PKD2L2: variants seen among roughly 807,000 people sequenced by gnomAD.
PKD2L2 encodes the protein polycystin 2 like 2, transient receptor potential cation channel.
In PKD2L2, 67 loss-of-function variants were observed where a neutral mutation model predicts 83.9. The observed-to-expected ratio is 0.80, with a 90% CI of 0.66 to 0.98. The LOEUF (loss-of-function observed/expected upper bound fraction) is 0.98, where lower values mean the gene tolerates loss of function less well. Ranked by LOEUF, PKD2L2 falls within the 50% of genes least tolerant of loss-of-function variation. PKD2L2 has a pLI of 0.00. For synonymous variants in PKD2L2, 223 were observed against 237.8 expected (o/e 0.94, Z 0.57); for missense variants, 632 against 717.2 (o/e 0.88, Z 1.36).
At position 137,906,356 on chromosome 5, in the gene PKD2L2, A is replaced by G. The variant is rs754623263; in HGVS notation, c.897A>G (p.Gln299=). ...TTTTTCTTTTTGTCTTCACAACACA[A>G]GAAGTCAAAAAAATAAAAGAATTTA... ...FCIFLFVFTT[Q]EVKKIKEFKS... Residue 299 remains glutamine (Q), a synonymous_variant, in exon 6 of 15, where the codon CAA becomes CAG. Coordinates refer to ENST00000508883, the MANE Select transcript of PKD2L2 (RefSeq NM_001300921.2). 2.5e-6 allele frequency: 4 copies of G among 1,609,604 alleles called. No individual in the cohort carries two copies. Among genetic ancestry groups the G allele is most frequent in the Admixed American group, 1.7e-5 (1 of 59,894 alleles).
intron 12 of PKD2L2, among the ~76,000 whole-genome samples, chr5:137,931,226 A>G (rs1561707433): frequency 6.6e-6 from 1 of 152,206 alleles, no homozygotes; most frequent in Admixed American, 6.5e-5. Flanking sequence ...TGTCTCCAAA[A>G]TCAATCAGAC....
intron 14 of PKD2L2, chr5:137,940,120 C>A: frequency 6.2e-7 from 1 of 1,614,070 alleles, no homozygotes; most frequent in Non-Finnish European, 8.5e-7. Context: ...AAATGAGATT[C>A]TCTGAGTGCC....
At chr5:137,923,012 TTTTC>T (rs989866305) in intron 9 of PKD2L2, among the ~76,000 whole-genome samples, 2 of 150,652 alleles carry the variant, frequency 1.3e-5, no homozygotes, top group Non-Finnish European at 1.5e-5. Context: ...TTCCTTTTTC[TTTTC>T]TTTTTTTTTT....
intron 6 of PKD2L2, 132 bp from the exon 7 acceptor site, chr5:137,907,610 A>C: frequency 2.2e-6 from 1 of 449,756 alleles, no homozygotes; most frequent in Non-Finnish European, 3.9e-6. Context: ...ATTTATGTAA[A>C]AGCATATGTC....
At chr5:137,889,620 G>A in intron 1 of PKD2L2, 98 bp downstream of exon 1, 1 of 1,075,612 alleles carries the variant, frequency 9.3e-7, no homozygotes, top group African/African-American at 1.7e-5. Flanking sequence ...TTTGAGAGAT[G>A]TGACTGCCGA....
At chr5:137,912,630 G>T (rs1341257597) in intron 8 of PKD2L2, among the ~76,000 whole-genome samples, 1 of 151,986 alleles carries the variant, frequency 6.6e-6, no homozygotes, top group Non-Finnish European at 1.5e-5. Flanking sequence ...GTCTCCCAAA[G>T]TGCTGGGATT....
rs1760423336 is a variant in PKD2L2 at position 137,936,510 on chromosome 5, C to A, written c.*17+83C>A. 2.6e-6 allele frequency: 3 copies of A among 1,169,242 alleles called. No individual in the cohort carries two copies. In the South Asian group the frequency reaches 4.1e-5, roughly 16 times the overall value. 72.4% of individuals were successfully genotyped at this position (1,169,242 alleles called of 1,614,324 possible). A position where few individuals can be genotyped will look rare whatever the true frequency, so the allele number is the denominator to read the frequency against. ...TCGCTCTAACGCCCAGGCTGGAGTG[C>A]AGTGGCGTGGTCTCGGCTCACTGCA... is the stretch of plus-strand genomic sequence containing the variant. On this transcript the variant is annotated intron_variant, in intron 14 of 14. Transcript: ENST00000508883.
At chr5:137,894,659 A>G in intron 4 of PKD2L2, 50 bp downstream of exon 4, 1 of 1,419,988 alleles carries the variant, frequency 7.0e-7, no homozygotes, top group Non-Finnish European at 9.8e-7. Flanking sequence ...TTACTGTTGT[A>G]TCTTTTAGAT....
chr5:137,936,357 C>A lies in PKD2L2; in HGVS notation c.1822C>A (p.His608Asn). 6.5e-7 allele frequency: 1 copy of A among 1,531,980 alleles called. No individual in the cohort carries two copies. Among genetic ancestry groups the A allele is most frequent in the Non-Finnish European group, 8.7e-7 (1 of 1,142,912 alleles). The allele number at this position is 1,531,980 out of a possible 1,614,324, so 94.9% of individuals were successfully genotyped here. A position where few individuals can be genotyped will look rare whatever the true frequency, so the allele number is the denominator to read the frequency against. ...TGCTGTGGAGCTGGAGAAGGAATTA[C>A]ACTACATCAATTTGAAGCTAAATCA... ...LYAVELEKEL[H>N]YINLKLNQVV... Residue 608 changes from histidine to asparagine, a missense_variant, in exon 14 of 15, where the codon CAC becomes AAC. Around this residue, in one of 3 missense-constraint regions of PKD2L2, gnomAD observed 399 missense variants for 416.9 expected, o/e 0.96. Coordinates refer to ENST00000508883, the MANE Select transcript of PKD2L2 (RefSeq NM_001300921.2).
chr5:137,907,258 CA>C (rs1271366578), intron 6 of PKD2L2, among the ~76,000 whole-genome samples: 5 of 152,074 alleles, frequency 3.3e-5, no homozygotes, highest in African/African-American at 1.2e-4. Flanking sequence ...CAAGAAAAGT[CA>C]AAGGAAAATT....
intron 8 of PKD2L2, among the ~76,000 whole-genome samples, chr5:137,919,019 C>T (rs1302645960): frequency 1.3e-5 from 2 of 151,712 alleles, no homozygotes; most frequent in East Asian, 1.9e-4. Context: ...CCTTTCTATA[C>T]ATCAAGCAGG....
intron 8 of PKD2L2, among the ~76,000 whole-genome samples, chr5:137,920,041 T>C (rs2150042272): frequency 6.6e-6 from 1 of 152,128 alleles, no homozygotes; most frequent in East Asian, 1.9e-4. Flanking sequence ...CTACTAAAAA[T>C]ACAAAAATTA....
At position 137,906,385 on chromosome 5, in the gene PKD2L2, C is replaced by T; in HGVS notation, c.926C>T (p.Ser309Phe). 6.2e-7 allele frequency: 1 copy of T among 1,610,180 alleles called. No homozygotes were observed. The highest frequency in any genetic ancestry group is 8.5e-7 in the Non-Finnish European group (1 of 1,177,078). Residue 309 changes from serine (S) to phenylalanine (F), a missense_variant, in exon 6 of 15, where the codon TCT becomes TTT. This residue lies in a region of PKD2L2 where 399 missense variants were observed against 416.9 expected (regional missense o/e 0.96). Coordinates refer to ENST00000508883, the MANE Select transcript of PKD2L2 (RefSeq NM_001300921.2). ...GTCAAAAAAATAAAAGAATTTAAGTCTGCCTATTTCAAAAGTATTTGGAAC... is the reference window on the plus strand; with the variant it reads ...GTCAAAAAAATAAAAGAATTTAAGTTTGCCTATTTCAAAAGTATTTGGAAC... ...QEVKKIKEFK[S>F]AYFKSIWNWL...
At chr5:137,889,593 C>G (rs1755756403) in intron 1 of PKD2L2, 71 bp downstream of exon 1, 8 of 1,342,210 alleles carry the variant, frequency 6.0e-6, no homozygotes, top group Non-Finnish European at 8.0e-6. Context: ...GAAAGGAACT[C>G]TGCGGCCCCA....
chr5:137,889,477 T>C lies in PKD2L2; in HGVS notation c.-15T>C, dbSNP rs1259344671. Reference sequence around the variant, plus strand: ...GCCTCAGGCGAACGAACGGGCGGTGTAGTGCAGGTCCGCCATGGCTGAGGC... The same window carrying C: ...GCCTCAGGCGAACGAACGGGCGGTGCAGTGCAGGTCCGCCATGGCTGAGGC... On this transcript the variant is annotated 5_prime_UTR_variant, in exon 1 of 15. Coordinates refer to ENST00000508883, the MANE Select transcript of PKD2L2 (RefSeq NM_001300921.2). 1 of 1,579,170 alleles carries C rather than the reference T, an allele frequency of 6.3e-7. No homozygotes were observed. The highest frequency in any genetic ancestry group is 1.1e-5 in the South Asian group (1 of 88,152).
rs1757360424 is a variant in PKD2L2 at position 137,906,309 on chromosome 5, T to C, written c.850T>C (p.Ser284Pro). The change falls in exon 6 of 15, where the codon TCC (serine) becomes CCC (proline). Residue 284 changes from serine (S) to proline (P), a missense_variant. This residue lies in a region of PKD2L2 where 399 missense variants were observed against 416.9 expected (regional missense o/e 0.96). Coordinates refer to ENST00000508883, the MANE Select transcript of PKD2L2 (RefSeq NM_001300921.2). The part of the protein sequence containing the change: ...YVSYYDYFIA[S>P]CEITFCIFLF... ...TAGCTACTATGACTATTTTATTGCT[T>C]CCTGTGAAATCACATTCTGTATTTT... 1 of 1,608,034 alleles carries C rather than the reference T, an allele frequency of 6.2e-7. No homozygotes were observed. The highest frequency in any genetic ancestry group is 8.5e-7 in the Non-Finnish European group (1 of 1,174,582).
chr5:137,889,675 A>G (rs906535806), intron 1 of PKD2L2, among the ~76,000 whole-genome samples, 153 bp downstream of exon 1: 1 of 152,252 alleles, frequency 6.6e-6, no homozygotes, highest in African/African-American at 2.4e-5. Flanking sequence ...GGAGAGGGAC[A>G]GATGGTCCCA....
intron 14 of PKD2L2, among the ~76,000 whole-genome samples, chr5:137,937,041 T>C (rs1760494010): frequency 6.6e-6 from 1 of 152,206 alleles, no homozygotes; most frequent in Non-Finnish European, 1.5e-5. Context: ...AGTCAGTAGG[T>C]AGAGAAAGAC....
intron 8 of PKD2L2, among the ~76,000 whole-genome samples, chr5:137,910,601 C>T (rs1031947784): frequency 2.6e-5 from 4 of 151,566 alleles, no homozygotes; most frequent in Non-Finnish European, 5.9e-5. Flanking sequence ...GGCGAAACTC[C>T]GTCTCTACTA....
Sources: allele counts gnomAD v4.1 joint callset (sites outside exome capture counted in the v4.1 genomes callset), GRCh38; gene constraint gnomAD v4.1.1; regional missense constraint gnomAD v4.1.1; transcripts MANE v1.5; gene names NCBI Gene and HGNC (gene_info 2026-07-23, HGNC 2026-07-21).